GRIP1: variants seen among roughly 807,000 people sequenced by gnomAD.
GRIP1 encodes glutamate receptor-interacting protein 1.
In GRIP1, 45 loss-of-function variants were observed where a neutral mutation model predicts 129.9. That is an observed-to-expected ratio of 0.35 (90% CI 0.27 to 0.44). The LOEUF is 0.44. Among genes scored for constraint, GRIP1 ranks in the 20% least tolerant of loss-of-function variants. The pLI, the probability that GRIP1 is intolerant of heterozygous loss-of-function variation, is 1.00. For missense variants in GRIP1, 1,196 were observed against 1,396.8 expected (o/e 0.86, Z 2.29); for synonymous variants, 530 against 520.8 (o/e 1.02, Z -0.24).
At chr12:66,845,095 A>C (rs2039790042) in intron 1 of GRIP1, among the ~76,000 whole-genome samples, 1 of 152,232 alleles carries the variant, frequency 6.6e-6, no homozygotes, top group Non-Finnish European at 1.5e-5. Flanking sequence ...TGGTTAAGAT[A>C]GCAAATTTCA....
chr12:67,016,928 C>T (rs1489322117), intron 1 of GRIP1, among the ~76,000 whole-genome samples: 1 of 152,124 alleles, frequency 6.6e-6, no homozygotes, highest in African/African-American at 2.4e-5. Context: ...ATTACTAGTA[C>T]TTAGATCCAG....
intron 1 of GRIP1, among the ~76,000 whole-genome samples, chr12:66,647,049 T>G (rs1326588254): frequency 2.0e-5 from 3 of 152,194 alleles, no homozygotes; most frequent in African/African-American, 7.2e-5. Context: ...AGCTGCAGAC[T>G]AGGGAAGCAA....
intron 1 of GRIP1, among the ~76,000 whole-genome samples, chr12:66,706,928 G>A (rs1282410543): frequency 6.6e-6 from 1 of 151,560 alleles, no homozygotes; most frequent in African/African-American, 2.4e-5. Flanking sequence ...AAACCACCAT[G>A]GCACACAGAT....
chr12:67,054,375 G>A (rs763975854), intron 1 of GRIP1, among the ~76,000 whole-genome samples: 6 of 152,098 alleles, frequency 3.9e-5, no homozygotes, highest in Admixed American at 6.5e-5. Flanking sequence ...GCTTTCAAGT[G>A]GCTTCCATTA....
intron 1 of GRIP1, among the ~76,000 whole-genome samples, chr12:66,755,674 T>G (rs2037266165): frequency 6.6e-6 from 1 of 152,186 alleles, no homozygotes. Flanking sequence ...GTTACCCAGC[T>G]GAAGTTTCTG....
intron 1 of GRIP1, among the ~76,000 whole-genome samples, chr12:66,894,335 C>T (rs1450649169): frequency 6.6e-6 from 1 of 152,160 alleles, no homozygotes; most frequent in Admixed American, 6.5e-5. Context: ...ACAGCGTCTA[C>T]CCCCTACCAA....
intron 7 of GRIP1, among the ~76,000 whole-genome samples, chr12:66,474,300 C>T (rs546015958): frequency 4.2e-4 from 64 of 152,082 alleles, no homozygotes; most frequent in African/African-American, 1.5e-3. Flanking sequence ...AAGGAACAAA[C>T]AAAGCCTCCA....
At chr12:66,525,877 T>C (rs2061215860) in intron 5 of GRIP1, among the ~76,000 whole-genome samples, 2 of 152,000 alleles carry the variant, frequency 1.3e-5, no homozygotes, top group South Asian at 2.1e-4. Context: ...AGCATTCTTA[T>C]ACACCAATAA....
In GRIP1 at chr12:66,844,477, T is replaced by C. The variant is rs553412808; in HGVS notation, c.58+224573A>G. 2.6e-5 allele frequency among the ~76,000 whole-genome samples: 4 copies of C among 152,228 alleles called. No individual in the cohort carries two copies. The South Asian group carries it at 8.3e-4, about 32-fold the overall frequency. On this transcript the variant is annotated intron_variant, in intron 1 of 1. Transcript: ENST00000643019. ...AGAAAATAACAAGTGTTGCTGACGA[T>C]GTGGAGAAATTGGAACCTTTATGGA...
intron 4 of GRIP1, among the ~76,000 whole-genome samples, chr12:66,537,738 A>G (rs2061649606): frequency 6.6e-6 from 1 of 152,130 alleles, no homozygotes; most frequent in Non-Finnish European, 1.5e-5. Context: ...GGCCCTTCAT[A>G]ATTTCATTGT....
chr12:66,769,192 G>A lies in GRIP1; in HGVS notation c.-420+34861C>T, dbSNP rs368153135. 2.6e-4 allele frequency among the ~76,000 whole-genome samples: 39 copies of A among 151,800 alleles called. 1 individual carries two copies. Among genetic ancestry groups the A allele is most frequent in the African/African-American group, 9.4e-4 (39 of 41,368 alleles). ...TTGAGGATCACTGCCTCCATCAAAGGTATTCACTGTACGAATCTTTCTCCA... is the reference window on the plus strand; with the variant it reads ...TTGAGGATCACTGCCTCCATCAAAGATATTCACTGTACGAATCTTTCTCCA... On this transcript the variant is annotated intron_variant, in intron 1 of 4. Transcript: ENST00000538373.
chr12:66,352,961 AAATG>A (rs377252334), intron 24 of GRIP1, among the ~76,000 whole-genome samples: 2 of 152,134 alleles, frequency 1.3e-5, no homozygotes, highest in African/African-American at 4.8e-5. Flanking sequence ...TCTGTCTCAA[AAATG>A]AATGAATGAA....
chr12:66,425,861 T>C (rs2057967820), intron 14 of GRIP1, among the ~76,000 whole-genome samples: 1 of 152,028 alleles, frequency 6.6e-6, no homozygotes, highest in Admixed American at 6.6e-5. Flanking sequence ...TTAGGAGATA[T>C]ACCTAATGCT....
intron 1 of GRIP1, among the ~76,000 whole-genome samples, chr12:66,817,227 C>A (rs2039236962): frequency 6.6e-6 from 1 of 150,968 alleles, no homozygotes. Context: ...CACACACACA[C>A]ACACACACAC....
chr12:66,634,786 TG>T (rs1292064536), intron 1 of GRIP1, among the ~76,000 whole-genome samples: 1 of 152,238 alleles, frequency 6.6e-6, no homozygotes, highest in Non-Finnish European at 1.5e-5. Flanking sequence ...GTGATAGAGC[TG>T]GGACTAGAAC....
intron 1 of GRIP1, among the ~76,000 whole-genome samples, chr12:66,837,779 C>T (rs1460178353): frequency 6.6e-6 from 1 of 152,072 alleles, no homozygotes; most frequent in Non-Finnish European, 1.5e-5. Flanking sequence ...CGAGCAAACA[C>T]TGTAGTGGAA....
chr12:66,837,412 T>C (rs1217890934), intron 1 of GRIP1, among the ~76,000 whole-genome samples: 3 of 152,118 alleles, frequency 2.0e-5, no homozygotes, highest in Admixed American at 6.5e-5. Flanking sequence ...CAGGAAACCA[T>C]TGATGTGCAC....
chr12:66,929,630 T>C (rs576819349), intron 1 of GRIP1, among the ~76,000 whole-genome samples: 1 of 152,238 alleles, frequency 6.6e-6, no homozygotes, highest in East Asian at 1.9e-4. Context: ...AGAATACCTT[T>C]CCTCCTTCAT....
At chr12:66,563,773 T>C (rs919283355) in intron 2 of GRIP1, 1 of 152,212 alleles carries the variant, frequency 6.6e-6, no homozygotes, top group South Asian at 2.1e-4. Flanking sequence ...CAATTATGCA[T>C]TGTATATAAT....
Sources: allele counts gnomAD v4.1 joint callset (sites outside exome capture counted in the v4.1 genomes callset), GRCh38; gene constraint gnomAD v4.1.1; transcripts MANE v1.5; gene names NCBI Gene and HGNC (gene_info 2026-07-23, HGNC 2026-07-21).